The following UBE2G1 variants were observed in gnomAD, a reference collection of about 807,000 sequenced individuals.
UBE2G1 encodes ubiquitin-conjugating enzyme E2 G1.
A neutral mutation model predicts 22.7 loss-of-function variants in UBE2G1; 5 were observed. The observed-to-expected ratio is 0.22, with a 90% CI of 0.12 to 0.46. The LOEUF (loss-of-function observed/expected upper bound fraction) is 0.46. UBE2G1 is among the 20% of genes least tolerant of loss of function. The probability of loss-of-function intolerance (pLI) is 0.99; values close to 1 mark genes in which losing one functional copy is unlikely to be tolerated. For missense variants in UBE2G1, 88 were observed against 203.9 expected (o/e 0.43, Z 3.46); for synonymous variants, 74 against 67.5 (o/e 1.10, Z -0.47).
intron 1 of UBE2G1, among the ~76,000 whole-genome samples, chr17:4,343,325 C>T (rs372579414): frequency 6.6e-6 from 1 of 152,100 alleles, no homozygotes; most frequent in East Asian, 1.9e-4. Context: ...GGCGCGGTAG[C>T]TCACGCCTGT....
At chr17:4,351,902 T>C (rs1819601769) in intron 1 of UBE2G1, among the ~76,000 whole-genome samples, 1 of 152,044 alleles carries the variant, frequency 6.6e-6, no homozygotes. Flanking sequence ...CCATCACCAA[T>C]AGTTATTAGT....
chr17:4,313,076 T>C (rs1969329828), intron 1 of UBE2G1, among the ~76,000 whole-genome samples: 1 of 152,224 alleles, frequency 6.6e-6, no homozygotes, highest in South Asian at 2.1e-4. Flanking sequence ...ATCCTATCTG[T>C]GTTTAAATGT....
At chr17:4,360,825 C>G (rs1969957993) in intron 1 of UBE2G1, among the ~76,000 whole-genome samples, 1 of 152,176 alleles carries the variant, frequency 6.6e-6, no homozygotes, top group Non-Finnish European at 1.5e-5. Context: ...GTAGGAGAAT[C>G]ACTTGAACCT....
chr17:4,273,240 AATC>A (rs1245088806), intron 5 of UBE2G1, among the ~76,000 whole-genome samples: 1 of 152,232 alleles, frequency 6.6e-6, no homozygotes, highest in Non-Finnish European at 1.5e-5. Context: ...GAATGCTCAC[AATC>A]ATCATTATGA....
At chr17:4,338,183 C>T (rs1282024387) in intron 1 of UBE2G1, among the ~76,000 whole-genome samples, 3 of 142,590 alleles carry the variant, frequency 2.1e-5, no homozygotes, top group Admixed American at 6.9e-5. Context: ...AAAAAAAAAA[C>T]GAAAACAACT....
chr17:4,308,021 T>A (rs1969267088), intron 1 of UBE2G1, among the ~76,000 whole-genome samples: 1 of 152,160 alleles, frequency 6.6e-6, no homozygotes, highest in South Asian at 2.1e-4. Flanking sequence ...ACAACTTTAA[T>A]GAGGTATAAC....
chr17:4,306,484 C>T (rs556267231), intron 2 of UBE2G1, among the ~76,000 whole-genome samples: 2 of 152,206 alleles, frequency 1.3e-5, no homozygotes, highest in African/African-American at 2.4e-5. Context: ...CCACCGCGCC[C>T]GGCCTGAAAC....
At chr17:4,357,668 C>T (rs1330347182) in intron 1 of UBE2G1, among the ~76,000 whole-genome samples, 1 of 152,084 alleles carries the variant, frequency 6.6e-6, no homozygotes, top group Non-Finnish European at 1.5e-5. Flanking sequence ...CACCACTATT[C>T]TCCATCACTG....
At chr17:4,321,656 C>CT (rs575364219) in intron 1 of UBE2G1, among the ~76,000 whole-genome samples, 15 of 151,944 alleles carry the variant, frequency 9.9e-5, no homozygotes, top group East Asian at 3.9e-4. Flanking sequence ...CCATGTCTGT[C>CT]TTTTTTTTGT....
At chr17:4,338,719 C>T (rs1020783424) in intron 1 of UBE2G1, among the ~76,000 whole-genome samples, 13 of 152,206 alleles carry the variant, frequency 8.5e-5, no homozygotes, top group African/African-American at 3.1e-4. Flanking sequence ...CTCATTTACT[C>T]TCAAAACAAT....
intron 1 of UBE2G1, among the ~76,000 whole-genome samples, chr17:4,353,162 G>A (rs554270401): frequency 6.6e-6 from 1 of 152,140 alleles, no homozygotes; most frequent in East Asian, 1.9e-4. Flanking sequence ...AGGCTGCGGT[G>A]AGCCGAGATC....
At chr17:4,287,784 A>C (rs1210429473) in intron 4 of UBE2G1, among the ~76,000 whole-genome samples, 1 of 152,164 alleles carries the variant, frequency 6.6e-6, no homozygotes, top group Non-Finnish European at 1.5e-5. Context: ...GAGAAGGCTA[A>C]GGAACTAGGA....
At chr17:4,321,208 T>A (rs923155598) in intron 1 of UBE2G1, among the ~76,000 whole-genome samples, 1 of 152,180 alleles carries the variant, frequency 6.6e-6, no homozygotes, top group South Asian at 2.1e-4. Flanking sequence ...TGTGGAAGTA[T>A]ATCTAGAATA....
At chr17:4,289,519 C>A in intron 3 of UBE2G1, 111 bp from the exon 4 acceptor site, 2 of 1,205,938 alleles carry the variant, frequency 1.7e-6, no homozygotes, top group Non-Finnish European at 2.2e-6. Flanking sequence ...AAACATGACA[C>A]ATACGCAGAA....
chr17:4,359,700 A>C (rs1396499173), intron 1 of UBE2G1, among the ~76,000 whole-genome samples: 2 of 152,160 alleles, frequency 1.3e-5, no homozygotes, highest in African/African-American at 4.8e-5. Flanking sequence ...AAAAATACAA[A>C]AATGATCCAG....
intron 4 of UBE2G1, among the ~76,000 whole-genome samples, chr17:4,285,138 C>G (rs1163684657): frequency 6.6e-5 from 10 of 152,036 alleles, no homozygotes; most frequent in Non-Finnish European, 1.5e-4. Flanking sequence ...GCCACCATGC[C>G]CAGCCTCAAA....
At chr17:4,286,502 T>C (rs902004818) in intron 4 of UBE2G1, among the ~76,000 whole-genome samples, 2 of 151,738 alleles carry the variant, frequency 1.3e-5, no homozygotes, top group African/African-American at 2.4e-5. Flanking sequence ...GAAGAACCAG[T>C]GGGATTCAAG....
chr17:4,296,113 T>C (rs1969106806), intron 3 of UBE2G1, among the ~76,000 whole-genome samples: 1 of 151,878 alleles, frequency 6.6e-6, no homozygotes, highest in Non-Finnish European at 1.5e-5. Context: ...CAGTGAATCA[T>C]CTAATACCTT....
At chr17:4,337,922 G>C (rs1212982078) in intron 1 of UBE2G1, among the ~76,000 whole-genome samples, 3 of 152,170 alleles carry the variant, frequency 2.0e-5, no homozygotes, top group African/African-American at 7.2e-5. Flanking sequence ...TGTAATTCCA[G>C]CACTTTGGGA....
Sources: gnomAD v4.1 joint callset for allele counts (sites outside exome capture counted in the v4.1 genomes callset) on GRCh38, gnomAD v4.1.1 for gene constraint, MANE v1.5 for transcripts, NCBI Gene and HGNC (gene_info 2026-07-23, HGNC 2026-07-21) for gene names.